The following ZFAT variants were observed in gnomAD, a reference collection of about 807,000 sequenced individuals.
ZFAT encodes the protein zinc finger protein ZFAT.
A neutral mutation model predicts 117.7 loss-of-function variants in ZFAT; 64 were observed. The observed-to-expected ratio is 0.54, with a 90% CI of 0.44 to 0.67. The LOEUF (loss-of-function observed/expected upper bound fraction) is 0.67. ZFAT is among the 30% of genes least tolerant of loss of function. The pLI is 0.00. For missense variants in ZFAT, 1,433 were observed against 1,584.5 expected (o/e 0.90, Z 1.62); for synonymous variants, 679 against 615.0 (o/e 1.10, Z -1.54).
At chr8:134,548,880 C>T (rs1304851988) in intron 11 of ZFAT, among the ~76,000 whole-genome samples, 23 of 152,308 alleles carry the variant, frequency 1.5e-4, no homozygotes, top group East Asian at 3.9e-4. Context: ...TGCTGGGTTG[C>T]ACCACAGCCA....
rs970343343 is a variant in ZFAT at position 134,478,955 on chromosome 8, G to C, written c.3493-234C>G. Among the ~76,000 whole-genome samples, 20 of 152,300 alleles carry C rather than the reference G, an allele frequency of 1.3e-4. No homozygotes were observed. Among genetic ancestry groups the C allele is most frequent in the African/African-American group, 4.8e-4 (20 of 41,560 alleles). On this transcript the variant is annotated intron_variant, in intron 15 of 15. Transcript: ENST00000377838. The surrounding 1 kb of genome is among the most constrained non-coding windows in gnomAD (Gnocchi z 5.2). Reference sequence around the variant, plus strand: ...GGGTCCCCAGCCGTGGCAAATGGTGGAACCTAAGTTCAAACCCAGAGTCCG... The same window carrying C: ...GGGTCCCCAGCCGTGGCAAATGGTGCAACCTAAGTTCAAACCCAGAGTCCG...
At chr8:134,769,865 A>C in the ZFAT span, among the ~76,000 whole-genome samples, 1 of 152,208 alleles carries the variant, frequency 6.6e-6, no homozygotes, top group Non-Finnish European at 1.5e-5. Flanking sequence ...GCTCAACGCC[A>C]TGTGGAAGCT....
intron 11 of ZFAT, among the ~76,000 whole-genome samples, chr8:134,541,032 G>A (rs1563826230): frequency 6.6e-6 from 1 of 152,196 alleles, no homozygotes; most frequent in Non-Finnish European, 1.5e-5. Flanking sequence ...AGGACTCCGG[G>A]CCCTGGGTTC....
chr8:134,478,851 T>G lies in ZFAT; in HGVS notation c.3493-130A>C. 1 of 1,357,596 alleles carries G rather than the reference T, an allele frequency of 7.4e-7. No homozygotes were observed. Among genetic ancestry groups the G allele is most frequent in the Non-Finnish European group, 9.9e-7 (1 of 1,010,556 alleles). 84.1% of individuals were successfully genotyped at this position (1,357,596 alleles called of 1,614,324 possible). ...GCACGTCCATTCTCCACGGATCCTC[T>G]CTACCAGGCTGTGCTTGCTCTCATG... On this transcript the variant is annotated intron_variant, in intron 15 of 15. Transcript: ENST00000377838. This position sits in a 1 kb window ranked among gnomAD's most constrained non-coding sequence, Gnocchi z 5.2.
chr8:134,579,900 G>T (rs1825598679), intron 10 of ZFAT, among the ~76,000 whole-genome samples: 1 of 150,780 alleles, frequency 6.6e-6, no homozygotes, highest in South Asian at 2.1e-4. Context: ...CAGTGAGCTG[G>T]GATTGCACCA....
intron 12 of ZFAT, among the ~76,000 whole-genome samples, chr8:134,524,420 T>A (rs964056670): frequency 6.6e-6 from 1 of 152,218 alleles, no homozygotes. Flanking sequence ...AACTGCCCTA[T>A]TCAAAATAAT....
intron 1 of ZFAT, among the ~76,000 whole-genome samples, chr8:134,671,996 C>T (rs1832583649): frequency 6.6e-6 from 1 of 152,190 alleles, no homozygotes; most frequent in Admixed American, 6.5e-5. Flanking sequence ...AGTGAACTCC[C>T]ATTCACAATT....
At chr8:134,644,017 A>C (rs1445035806) in intron 2 of ZFAT, among the ~76,000 whole-genome samples, 1 of 152,220 alleles carries the variant, frequency 6.6e-6, no homozygotes, top group African/African-American at 2.4e-5. Context: ...TTAAACATAG[A>C]CATCAACTTC....
At chr8:134,497,809 C>T (rs1381214844) in intron 15 of ZFAT, among the ~76,000 whole-genome samples, 10 of 129,844 alleles carry the variant, frequency 7.7e-5, no homozygotes, top group Middle Eastern at 9.0e-3. Context: ...CCGGGATGCC[C>T]CAGCAGCTGG....
intron 7 of ZFAT, among the ~76,000 whole-genome samples, chr8:134,591,950 GC>G (rs1402729785): frequency 2.0e-5 from 3 of 152,188 alleles, no homozygotes; most frequent in Non-Finnish European, 2.9e-5. Context: ...CACTTTGATT[GC>G]CAAGCTTACC....
chr8:134,830,092 T>C, the ZFAT span, among the ~76,000 whole-genome samples: 9 of 152,144 alleles, frequency 5.9e-5, no homozygotes, highest in Non-Finnish European at 1.5e-5. Flanking sequence ...ACATATGACC[T>C]CCACGATGCC....
chr8:134,551,827 T>C (rs1415132761), intron 11 of ZFAT, among the ~76,000 whole-genome samples: 1 of 152,192 alleles, frequency 6.6e-6, no homozygotes, highest in African/African-American at 2.4e-5. Flanking sequence ...ATTTTGTACA[T>C]ACAACCATTT....
intron 15 of ZFAT, among the ~76,000 whole-genome samples, chr8:134,501,192 A>G (rs1226084708): frequency 1.3e-5 from 2 of 152,246 alleles, no homozygotes; most frequent in Non-Finnish European, 1.5e-5. Context: ...TATGCCTAAG[A>G]ATCTAGTATT....
Position 134,520,952 on chromosome 8 carries a change from C to T in ZFAT, c.3165G>A (p.Glu1055=). ...VCSFVYGTKW[E]FNRHLKNKHG... is the part of the protein sequence containing the mutation. ...GTTTGTTCTTCAAGTGCCTATTGAA[C>T]TCCCATTTGGTGCCATATACAAAGC... is the stretch of plus-strand genomic sequence containing the variant. The change falls in exon 13 of 16, where the codon GAG becomes GAA. Residue 1055 remains glutamate (E), a synonymous_variant. Transcript: ENST00000377838. 6.2e-7 allele frequency: 1 copy of T among 1,613,902 alleles called. No homozygotes were observed. The highest frequency in any genetic ancestry group is 1.1e-5 in the South Asian group (1 of 91,076).
rs577636291 is a variant in ZFAT at position 134,504,888 on chromosome 8, C to G, written c.3492+4731G>C. On this transcript the variant is annotated intron_variant, in intron 15 of 15. Transcript: ENST00000377838. ...CTGGCGCCAGCCACCAGCTCCTGTACCCACTCCTGCCTGGAGCCCTGCTCC... is the reference window on the plus strand; with the variant it reads ...CTGGCGCCAGCCACCAGCTCCTGTAGCCACTCCTGCCTGGAGCCCTGCTCC... Among the ~76,000 whole-genome samples, 6 of 152,246 alleles carry G rather than the reference C, an allele frequency of 3.9e-5. No homozygotes were observed. The South Asian group carries it at 1.2e-3, about 32-fold the overall frequency.
the ZFAT span, among the ~76,000 whole-genome samples, chr8:134,778,002 CA>C: frequency 6.6e-6 from 1 of 152,092 alleles, no homozygotes; most frequent in South Asian, 2.1e-4. Flanking sequence ...AAAATGTAGA[CA>C]AACAAGTATC....
At chr8:134,618,386 G>T (rs1274214604) in intron 3 of ZFAT, among the ~76,000 whole-genome samples, 1 of 152,140 alleles carries the variant, frequency 6.6e-6, no homozygotes, top group African/African-American at 2.4e-5. Context: ...TATGTGTGGT[G>T]TTTGCTGCAG....
chr8:134,825,887 G>T, the ZFAT span, among the ~76,000 whole-genome samples: 19 of 152,174 alleles, frequency 1.2e-4, no homozygotes, highest in African/African-American at 4.6e-4. Context: ...CGGGCGTGGT[G>T]GCGGGCGCCT....
At chr8:134,736,822 C>T in the ZFAT span, among the ~76,000 whole-genome samples, 1 of 152,090 alleles carries the variant, frequency 6.6e-6, no homozygotes, top group East Asian at 1.9e-4. Flanking sequence ...CTGGGCTCAA[C>T]CAATTCTCCC....
Sources: allele counts gnomAD v4.1 joint callset (sites outside exome capture counted in the v4.1 genomes callset), GRCh38; gene constraint gnomAD v4.1.1; non-coding constraint Gnocchi (gnomAD v3.1); transcripts MANE v1.5; gene names NCBI Gene and HGNC (gene_info 2026-07-23, HGNC 2026-07-21).